The following PDE4D variants were observed in gnomAD, a reference collection of about 807,000 sequenced individuals.
PDE4D encodes phosphodiesterase 4D.
PDE4D carries 24 observed loss-of-function variants against 87.4 expected under a neutral mutation model. The observed-to-expected ratio is 0.27, with a 90% CI of 0.20 to 0.39. The LOEUF is 0.39. Ranked by LOEUF, PDE4D falls within the 10% of genes least tolerant of loss-of-function variation. The pLI is 1.00. For synonymous variants in PDE4D, 384 were observed against 383.2 expected, an observed-to-expected ratio of 1.00 and a Z score of -0.02; for missense variants, 714 against 1,041.0, an observed-to-expected ratio of 0.69 and a Z score of 4.32.
intron 5 of PDE4D, among the ~76,000 whole-genome samples, chr5:59,176,599 G>A (rs1783927864): frequency 6.6e-6 from 1 of 151,784 alleles, no homozygotes; most frequent in Admixed American, 6.6e-5. Flanking sequence ...TTTAATACAT[G>A]TCAAATGCAA....
chr5:59,271,338 C>T (rs1176211750), intron 1 of PDE4D, among the ~76,000 whole-genome samples: 1 of 151,622 alleles, frequency 6.6e-6, no homozygotes, highest in Non-Finnish European at 1.5e-5. Flanking sequence ...GCCGCCTGGC[C>T]AAAAATAGAA....
At chr5:59,461,163 T>C (rs1341714247) in intron 1 of PDE4D, among the ~76,000 whole-genome samples, 1 of 152,014 alleles carries the variant, frequency 6.6e-6, no homozygotes, top group African/African-American at 2.4e-5. Context: ...CTGACATAAA[T>C]AGCTAAGAAA....
At chr5:59,045,659 C>T (rs1760502196) in intron 5 of PDE4D, among the ~76,000 whole-genome samples, 1 of 151,830 alleles carries the variant, frequency 6.6e-6, no homozygotes, top group East Asian at 1.9e-4. Context: ...CTGAGAAATC[C>T]TCAGCCACTG....
At chr5:60,318,551 T>C (rs951048401) in intron 1 of PDE4D, among the ~76,000 whole-genome samples, 2 of 152,100 alleles carry the variant, frequency 1.3e-5, no homozygotes, top group African/African-American at 4.8e-5. Flanking sequence ...TGATTTTGCT[T>C]GTTAGTTGAT....
intron 1 of PDE4D, among the ~76,000 whole-genome samples, chr5:59,651,210 C>T (rs1045338736): frequency 1.3e-5 from 2 of 150,114 alleles, no homozygotes; most frequent in Non-Finnish European, 3.0e-5. Context: ...GAGCCGAGAT[C>T]GCGCCACTGC....
chr5:60,415,609 G>A (rs767820986), intron 1 of PDE4D, among the ~76,000 whole-genome samples: 30 of 152,254 alleles, frequency 2.0e-4, no homozygotes, highest in Non-Finnish European at 4.1e-4. Context: ...GCCAGCAGCT[G>A]CTGCACTCAA....
chr5:60,206,660 C>CCT, intron 1 of PDE4D, among the ~76,000 whole-genome samples: 1 of 152,176 alleles, frequency 6.6e-6, no homozygotes, highest in East Asian at 1.9e-4. Context: ...AAACTAATAT[C>CCT]AGATTGGAAG....
At chr5:60,409,305 C>A (rs535922949) in intron 1 of PDE4D, among the ~76,000 whole-genome samples, 1 of 151,986 alleles carries the variant, frequency 6.6e-6, no homozygotes, top group Non-Finnish European at 1.5e-5. Context: ...TTATTACATA[C>A]CCCAAAGCAG....
At chr5:59,376,388 C>T (rs1364788995) in intron 1 of PDE4D, among the ~76,000 whole-genome samples, 1 of 152,054 alleles carries the variant, frequency 6.6e-6, no homozygotes, top group Non-Finnish European at 1.5e-5. Flanking sequence ...TACACACCAA[C>T]AATAGTCAAG....
chr5:59,560,583 G>A (rs992019631), intron 1 of PDE4D, among the ~76,000 whole-genome samples: 1 of 152,198 alleles, frequency 6.6e-6, no homozygotes. Context: ...TAAGAATTAG[G>A]TTCAAGTTTT....
intron 3 of PDE4D, among the ~76,000 whole-genome samples, chr5:59,961,874 C>T (rs765078726): frequency 2.5e-4 from 38 of 152,078 alleles, no homozygotes; most frequent in Non-Finnish European, 4.0e-4. Flanking sequence ...GGCTCTGGGG[C>T]GGTGCCCTGG....
chr5:60,169,066 T>C (rs1248837164), intron 2 of PDE4D, among the ~76,000 whole-genome samples: 2 of 152,150 alleles, frequency 1.3e-5, no homozygotes, highest in Non-Finnish European at 2.9e-5. Context: ...TCCTCTTCTA[T>C]AAGATAACCT....
In PDE4D at chr5:58,971,815, A is replaced by T. The variant is rs911606543; in HGVS notation, c.*2849T>A. 6.6e-6 allele frequency: 1 copy of T among 152,596 alleles called. No homozygotes were observed. The highest frequency in any genetic ancestry group is 1.5e-5 in the Non-Finnish European group (1 of 68,028). The allele number at this position is 152,596 out of a possible 1,614,324, so 9.5% of individuals were successfully genotyped here. A position where few individuals can be genotyped will look rare whatever the true frequency, so the allele number is the denominator to read the frequency against. On this transcript the variant is annotated 3_prime_UTR_variant, in exon 15 of 15. Coordinates refer to ENST00000340635, the MANE Select transcript of PDE4D (RefSeq NM_001104631.2). Reference sequence around the variant, plus strand: ...TTTAGGAAATGTAAAGCCACTTGTAAAAGGATATTCTTTTATTCTTTTTTA... The same window carrying T: ...TTTAGGAAATGTAAAGCCACTTGTATAAGGATATTCTTTTATTCTTTTTTA...
chr5:59,450,091 T>A (rs1582660927), intron 1 of PDE4D, among the ~76,000 whole-genome samples: 1 of 152,202 alleles, frequency 6.6e-6, no homozygotes, highest in East Asian at 1.9e-4. Flanking sequence ...CATTTCTGCC[T>A]TATTTTAAGA....
At chr5:60,000,925 A>G (rs537019217) in intron 2 of PDE4D, among the ~76,000 whole-genome samples, 1 of 152,200 alleles carries the variant, frequency 6.6e-6, no homozygotes, top group South Asian at 2.1e-4. Flanking sequence ...GTTCTCGGAG[A>G]CAGGCTTGCC....
intron 5 of PDE4D, among the ~76,000 whole-genome samples, chr5:59,086,515 T>C (rs1767707856): frequency 6.6e-6 from 1 of 152,152 alleles, no homozygotes; most frequent in Admixed American, 6.6e-5. Flanking sequence ...TTTTTGTTTT[T>C]TTAGTCTACT....
intron 1 of PDE4D, among the ~76,000 whole-genome samples, chr5:59,381,114 C>T (rs1326090419): frequency 1.3e-5 from 2 of 152,136 alleles, no homozygotes; most frequent in African/African-American, 2.4e-5. Context: ...CCCTTTAATT[C>T]CACTCCCTTT....
chr5:59,863,889 G>A (rs909327355), intron 1 of PDE4D, among the ~76,000 whole-genome samples: 4 of 152,038 alleles, frequency 2.6e-5, no homozygotes, highest in African/African-American at 9.7e-5. Context: ...TGCCATTGAT[G>A]AAATCCAAAA....
upstream of PDE4D, among the ~76,000 whole-genome samples, chr5:59,898,499 G>C (rs1417030709): frequency 6.6e-6 from 1 of 152,208 alleles, no homozygotes; most frequent in Non-Finnish European, 1.5e-5. Flanking sequence ...TCACCAAAGG[G>C]AGAGTGGCAT....
Sources: allele counts gnomAD v4.1 joint callset (sites outside exome capture counted in the v4.1 genomes callset), GRCh38; gene constraint gnomAD v4.1.1; transcripts MANE v1.5; gene names NCBI Gene and HGNC (gene_info 2026-07-23, HGNC 2026-07-21).